Variants in GPM6B observed in about 807,000 individuals in gnomAD.
GPM6B encodes neuronal membrane glycoprotein M6-b.
In GPM6B, 4 loss-of-function variants were observed where a neutral mutation model predicts 27.2. The ratio of observed to expected loss-of-function variants is 0.15; its 90% CI spans 0.07 to 0.34. The LOEUF is 0.34. GPM6B is among the 10% of genes least tolerant of loss of function. GPM6B has a pLI of 1.00. For synonymous variants in GPM6B, 124 were observed against 103.1 expected (o/e 1.20, Z -1.23); for missense variants, 183 against 261.9 (o/e 0.70, Z 2.08).
At chrX:13,872,345 T>A (rs897048446) in intron 1 of GPM6B, among the ~76,000 whole-genome samples, 3 of 109,940 alleles carry the variant, frequency 2.7e-5, no homozygotes, top group Middle Eastern at 4.6e-3. Flanking sequence ...TATTTTTTTA[T>A]TTTTTGTAGA....
chrX:13,776,436 T>G, intron 6 of GPM6B, 133 bp from the exon 7 acceptor site: 1 of 488,137 alleles, frequency 2.0e-6, no homozygotes, highest in Non-Finnish European at 3.4e-6. Flanking sequence ...TGCCTTCTCT[T>G]CATGCTCTGG....
At chrX:13,867,994 A>C (rs12847324) in intron 1 of GPM6B, among the ~76,000 whole-genome samples, 1 of 112,194 alleles carries the variant, frequency 8.9e-6, no homozygotes, top group Admixed American at 9.4e-5. Context: ...TAGAATAACC[A>C]CAAGTTACTG....
intron 1 of GPM6B, among the ~76,000 whole-genome samples, chrX:13,832,606 T>A (rs995645319): frequency 9.0e-6 from 1 of 111,534 alleles, no homozygotes; most frequent in Non-Finnish European, 1.9e-5. Context: ...CTGATGATAA[T>A]TCACACTAAG....
At chrX:13,815,924 C>T (rs1425461574) in intron 1 of GPM6B, among the ~76,000 whole-genome samples, 1 of 111,520 alleles carries the variant, frequency 9.0e-6, no homozygotes, top group Non-Finnish European at 1.9e-5. Flanking sequence ...AGCATGATGG[C>T]TTTTTATATT....
chrX:13,857,644 T>C lies in GPM6B; in HGVS notation c.-197-71836A>G, dbSNP rs138001994. 2.3e-4 allele frequency among the ~76,000 whole-genome samples: 26 copies of C among 112,632 alleles called. 1 individual carries two copies. The East Asian group carries it at 7.2e-3, about 31-fold the overall frequency. On this transcript the variant is annotated intron_variant, in intron 1 of 6. Coordinates refer to the GPM6B transcript ENST00000398361. Reference sequence around the variant, plus strand: ...TTTACATAACTCAATAGCACCTCTTTTGAATGTTTTAAGAAAGGACATGGG... The same window carrying C: ...TTTACATAACTCAATAGCACCTCTTCTGAATGTTTTAAGAAAGGACATGGG...
At chrX:13,865,775 T>C (rs1193159734) in intron 1 of GPM6B, among the ~76,000 whole-genome samples, 2 of 104,912 alleles carry the variant, frequency 1.9e-5, no homozygotes, top group African/African-American at 6.9e-5. Flanking sequence ...AAAGTAAAAA[T>C]AAAAAATGAA....
intron 2 of GPM6B, among the ~76,000 whole-genome samples, chrX:13,801,759 G>C (rs979747085): frequency 1.8e-5 from 2 of 111,229 alleles, no homozygotes; most frequent in African/African-American, 3.3e-5. Flanking sequence ...GTCTTGTTTC[G>C]ATCCCATTAC....
intron 2 of GPM6B, among the ~76,000 whole-genome samples, chrX:13,805,565 G>T (rs778028390): frequency 2.7e-5 from 3 of 112,167 alleles, no homozygotes; most frequent in African/African-American, 6.5e-5. Flanking sequence ...ATGGAGCCTC[G>T]TATTTTTCTT....
intron 1 of GPM6B, among the ~76,000 whole-genome samples, chrX:13,935,760 G>A (rs940851551): frequency 8.9e-6 from 1 of 111,978 alleles, no homozygotes; most frequent in Non-Finnish European, 1.9e-5. Context: ...AAGGGTGTGT[G>A]TGTCTGTGTG....
At chrX:13,856,692 A>ATT (rs113873908) in intron 1 of GPM6B, among the ~76,000 whole-genome samples, 3 of 93,246 alleles carry the variant, frequency 3.2e-5, no homozygotes, top group African/African-American at 1.1e-4. Context: ...CTGCACCTTT[A>ATT]TTTTTTTTTT....
At chrX:13,790,494 G>A (rs1156926888) in intron 2 of GPM6B, among the ~76,000 whole-genome samples, 1 of 111,731 alleles carries the variant, frequency 9.0e-6, no homozygotes, top group Non-Finnish European at 1.9e-5. Flanking sequence ...GTGTGCACAT[G>A]AAAATTTGAG....
intron 1 of GPM6B, among the ~76,000 whole-genome samples, chrX:13,931,523 T>A (rs1425681166): frequency 9.1e-6 from 1 of 109,949 alleles, no homozygotes; most frequent in African/African-American, 3.3e-5. Flanking sequence ...GAAAAATAAA[T>A]AAATAAAATT....
At chrX:13,904,572 C>T (rs961823921) in intron 1 of GPM6B, among the ~76,000 whole-genome samples, 1 of 111,650 alleles carries the variant, frequency 9.0e-6, no homozygotes, top group Non-Finnish European at 1.9e-5. Context: ...CAGAGCCCCA[C>T]ACCCATTCAC....
intron 2 of GPM6B, among the ~76,000 whole-genome samples, chrX:13,804,979 G>C (rs1173024213): frequency 2.7e-5 from 3 of 110,862 alleles, no homozygotes; most frequent in Non-Finnish European, 5.7e-5. Flanking sequence ...TTCACTCTGT[G>C]GCCTGCGCTG....
chrX:13,783,567 G>A (rs376655971), intron 3 of GPM6B, 46 bp from the exon 4 acceptor site: 89 of 1,060,050 alleles, frequency 8.4e-5, no homozygotes, highest in Non-Finnish European at 1.1e-4. Context: ...TCACTGCCTG[G>A]TAGTGACTAC....
chrX:13,861,023 CACACACACACACACACACACAT>C (rs1318669458), intron 1 of GPM6B, among the ~76,000 whole-genome samples: 5 of 83,007 alleles, frequency 6.0e-5, no homozygotes, highest in African/African-American at 3.3e-4. Flanking sequence ...CACACACACA[CACACACACACACACACACACAT>C]ATATACATAT....
chrX:13,818,167 A>G (rs2049268173), upstream of GPM6B, among the ~76,000 whole-genome samples: 1 of 112,311 alleles, frequency 8.9e-6, no homozygotes, highest in African/African-American at 3.2e-5. Context: ...TTTCTGCACC[A>G]TTTTTTATGC....
At chrX:13,819,245 T>C (rs898603653), upstream of GPM6B, among the ~76,000 whole-genome samples, 3 of 112,474 alleles carry the variant, frequency 2.7e-5, no homozygotes, top group African/African-American at 9.7e-5. Context: ...TGTATTACAA[T>C]TCTAGAAATT....
In GPM6B at chrX:13,816,848, T is replaced by C. The variant is rs2049244315; in HGVS notation, c.57A>G (p.Arg19=). The C allele has an allele frequency of 4.1e-6, 5 of 1,210,767 alleles. No individual in the cohort carries two copies. Among genetic ancestry groups the C allele is most frequent in the South Asian group, 3.5e-5 (2 of 56,895 alleles). The change falls in exon 1 of 8, where the codon AGA becomes AGG. Residue 19 remains arginine (R), a synonymous_variant. Transcript: ENST00000316715. ...TATTGTCAGAGCGCTGGGTACCTTT[T>C]CTCTCTTGGCTTTGTTCAGTATTTT... ...AEENTEQSQE[R]KVNSRAEMEI... is the part of the protein sequence containing the mutation.
Sources: allele counts gnomAD v4.1 joint callset (sites outside exome capture counted in the v4.1 genomes callset), GRCh38; gene constraint gnomAD v4.1.1; transcripts MANE v1.5; gene names NCBI Gene and HGNC (gene_info 2026-07-23, HGNC 2026-07-21).